The following SPOUT1 variants were observed in gnomAD, a reference collection of about 807,000 sequenced individuals.
SPOUT1 encodes the protein SPOUT domain containing methyltransferase 1, also known as 28S rRNA (uridine-N(3))-methyltransferase.
A neutral mutation model predicts 54.8 loss-of-function variants in SPOUT1; 40 were observed. That is an observed-to-expected ratio of 0.73 (90% CI 0.57 to 0.95). The LOEUF (loss-of-function observed/expected upper bound fraction) is 0.95, where lower values mean the gene tolerates loss of function less well. SPOUT1 is among the 40% of genes least tolerant of loss of function. The probability of loss-of-function intolerance (pLI) is 0.00; values close to 1 mark genes in which losing one functional copy is unlikely to be tolerated. For synonymous variants in SPOUT1, 193 were observed against 200.3 expected, an observed-to-expected ratio of 0.96 and a Z score of 0.31; for missense variants, 437 against 499.5, an observed-to-expected ratio of 0.87 and a Z score of 1.19.
At position 128,821,139 on chromosome 9, in the gene SPOUT1, T is replaced by G; in HGVS notation, c.*1626A>C. The G allele has an allele frequency of 6.7e-6, 3 of 444,770 alleles. No individual in the cohort carries two copies. The highest frequency in any genetic ancestry group is 4.4e-5 in the East Asian group (1 of 22,856). The allele number at this position is 444,770 out of a possible 1,614,324, so 27.6% of individuals were successfully genotyped here. Reference sequence around the variant, plus strand: ...CTCTTGGCATGCCCACCCAATCTTGTTCTGCCAATATGGAACCCCCCGCAG... The same window carrying G: ...CTCTTGGCATGCCCACCCAATCTTGGTCTGCCAATATGGAACCCCCCGCAG... On this transcript the variant is annotated 3_prime_UTR_variant, in exon 12 of 12. Coordinates refer to ENST00000361256, the MANE Select transcript of SPOUT1 (RefSeq NM_016390.4).
Position 128,821,921 on chromosome 9 carries a change from G to GT in SPOUT1, c.*843_*844insA. The stretch of plus-strand genomic sequence containing the variant: ...TGGAAGGGAGGAGACTCTGCTGAGG[G>GT]GGAGCCCCCGTCCGGTGTCCTGGCA... On this transcript the variant is annotated 3_prime_UTR_variant, in exon 12 of 12. Coordinates refer to ENST00000361256, the MANE Select transcript of SPOUT1 (RefSeq NM_016390.4). 1 of 215,970 alleles carries GT rather than the reference G, an allele frequency of 4.6e-6. No homozygotes were observed. 13.4% of individuals were successfully genotyped at this position (215,970 alleles called of 1,614,324 possible).
chr9:128,826,211 G>T lies in SPOUT1; in HGVS notation c.509-59C>A. 1 of 1,571,126 alleles carries T rather than the reference G, an allele frequency of 6.4e-7. No individual in the cohort carries two copies. The highest frequency in any genetic ancestry group is 8.6e-7 in the Non-Finnish European group (1 of 1,156,830). On this transcript the variant is annotated intron_variant, in intron 6 of 11. Transcript: ENST00000361256. This position sits in a 1 kb window ranked among gnomAD's most constrained non-coding sequence, Gnocchi z 5.5. ...TGCTAGGGCACACAGGGTGCAGTGG[G>T]GACCCTGGAGCGGAGTACCGGCTCT...
chr9:128,828,589 T>C (rs982085550), intron 3 of SPOUT1, 146 bp downstream of exon 3: 2 of 875,238 alleles, frequency 2.3e-6, no homozygotes, highest in Non-Finnish European at 3.5e-6. Flanking sequence ...GCTCCCTCCC[T>C]TCTCTGGGCC....
In SPOUT1 at chr9:128,826,534, C is replaced by A. The variant is rs6478853; in HGVS notation, c.458+6G>T. Reference sequence around the variant, plus strand: ...TCCCTCATGCTTAGGGGAGTGACCCCCTTACTGTGGACACTCCAGGTACTG... The same window carrying A: ...TCCCTCATGCTTAGGGGAGTGACCCACTTACTGTGGACACTCCAGGTACTG... On this transcript the variant is annotated splice_donor_region_variant and intron_variant, in intron 5 of 11. Transcript: ENST00000361256. The surrounding 1 kb of genome is among the most constrained non-coding windows in gnomAD (Gnocchi z 5.5). The A allele has an allele frequency of 3.7e-6, 6 of 1,611,338 alleles. 1 individual carries two copies. The highest frequency in any genetic ancestry group is 3.3e-5 in the South Asian group (3 of 90,916).
chr9:128,820,738 G>T lies in SPOUT1; in HGVS notation c.*2027C>A, dbSNP rs535536814. On this transcript the variant is annotated 3_prime_UTR_variant, in exon 12 of 12. Coordinates refer to ENST00000361256, the MANE Select transcript of SPOUT1 (RefSeq NM_016390.4). ...CTGCTAAGCCCTATCTCTCCTACCA[G>T]GTGCCCCACCTCAACCAGAATGCCT... is the stretch of plus-strand genomic sequence containing the variant. 6.2e-7 allele frequency: 1 copy of T among 1,607,762 alleles called. No homozygotes were observed. Among genetic ancestry groups the T allele is most frequent in the South Asian group, 1.1e-5 (1 of 89,852 alleles).
chr9:128,821,111 C>T lies in SPOUT1; in HGVS notation c.*1654G>A. 1.9e-6 allele frequency: 1 copy of T among 522,964 alleles called. No individual in the cohort carries two copies. Among genetic ancestry groups the T allele is most frequent in the South Asian group, 2.2e-5 (1 of 44,678 alleles). The allele number at this position is 522,964 out of a possible 1,614,324, so 32.4% of individuals were successfully genotyped here. ...ATCTGCCCCCGCTTCTCCCTGCTGT[C>T]ACCTCTTGGCATGCCCACCCAATCT... On this transcript the variant is annotated 3_prime_UTR_variant, in exon 12 of 12. Coordinates refer to ENST00000361256, the MANE Select transcript of SPOUT1 (RefSeq NM_016390.4).
rs147880613 is a variant in SPOUT1 at position 128,828,300 on chromosome 9, G to A, written c.208+435C>T. 1.5e-3 allele frequency among the ~76,000 whole-genome samples: 227 copies of A among 152,172 alleles called. 1 individual carries two copies. Among genetic ancestry groups the A allele is most frequent in the Non-Finnish European group, 2.6e-3 (175 of 67,992 alleles). On this transcript the variant is annotated intron_variant, in intron 3 of 11. Transcript: ENST00000361256. ...CACCTGAGGTCAGGAGTTCGAGACCGGCCTCCCCAACATGGTGCAACCACG... is the reference window on the plus strand; with the variant it reads ...CACCTGAGGTCAGGAGTTCGAGACCAGCCTCCCCAACATGGTGCAACCACG...
Position 128,829,758 on chromosome 9 carries a change from C to G in SPOUT1, c.23G>C (p.Arg8Pro). The G allele has an allele frequency of 1.2e-6, 2 of 1,601,872 alleles. No individual in the cohort carries two copies. The highest frequency in any genetic ancestry group is 1.3e-5 in the African/African-American group (1 of 74,904). Reference protein sequence around the residue: MAERGRKRPCGPGEHGQR... With the variant: MAERGRKPPCGPGEHGQR... ...GCCCGCACTTACCGGGCCGCACGGC[C>G]GCTTCCTGCCGCGCTCCGCCATGTT... The change falls in exon 1 of 12, where the codon CGG (arginine) becomes CCG (proline). Residue 8 changes from arginine to proline, a missense_variant. By Grantham distance (103) the Arg-to-Pro change is moderately radical. Transcript: ENST00000361256.
chr9:128,825,709 G>A (rs1224737421), intron 7 of SPOUT1, among the ~76,000 whole-genome samples: 1 of 152,212 alleles, frequency 6.6e-6, no homozygotes, highest in Admixed American at 6.5e-5. Context: ...GGATAAAGAG[G>A]CGGCAAATTA....
Position 128,823,946 on chromosome 9 carries a change from C to T in SPOUT1, c.915-52G>A, listed in dbSNP as rs571823918. ...GAGCGGCCACCGAGGCCCCACCCAG[C>T]ACAGCGCCCAGACCTCAGTCCCTCC... On this transcript the variant is annotated intron_variant, in intron 10 of 11. Transcript: ENST00000361256. 110 of 1,604,534 alleles carry T rather than the reference C, an allele frequency of 6.9e-5. No homozygotes were observed. In the East Asian group the frequency reaches 2.3e-3, roughly 33 times the overall value.
chr9:128,828,939 G>A, intron 2 of SPOUT1, 79 bp from the exon 3 acceptor site: 1 of 1,589,748 alleles, frequency 6.3e-7, no homozygotes, highest in Non-Finnish European at 8.6e-7. Context: ...AGAGCTGCTG[G>A]GTGAGCAGCC....
chr9:128,826,951 G>T lies in SPOUT1; in HGVS notation c.368+81C>A, dbSNP rs1006872981. 7.1e-6 allele frequency: 10 copies of T among 1,401,908 alleles called. No homozygotes were observed. The highest frequency in any genetic ancestry group is 9.9e-6 in the Non-Finnish European group (10 of 1,007,428). 86.8% of individuals were successfully genotyped at this position (1,401,908 alleles called of 1,614,324 possible). Reference sequence around the variant, plus strand: ...CGAGGGAAGAGCCAGGCATGTGGACGGGGCCATGGTGAAGCCTCGGCCCAT... The same window carrying T: ...CGAGGGAAGAGCCAGGCATGTGGACTGGGCCATGGTGAAGCCTCGGCCCAT... On this transcript the variant is annotated intron_variant, in intron 4 of 11. Transcript: ENST00000361256. This position sits in a 1 kb window ranked among gnomAD's most constrained non-coding sequence, Gnocchi z 5.5.
Position 128,822,158 on chromosome 9 carries a change from G to A in SPOUT1, c.*607C>T. The A allele has an allele frequency of 1.3e-6, 1 of 746,158 alleles. No homozygotes were observed. The highest frequency in any genetic ancestry group is 1.9e-5 in the South Asian group (1 of 53,580). The allele number at this position is 746,158 out of a possible 1,614,324, so 46.2% of individuals were successfully genotyped here. Reference sequence around the variant, plus strand: ...GAGGGAAAGAGTTAACCACCCTGGAGAGAGTTCCAGCCTCAAGGAGGAGCC... The same window carrying A: ...GAGGGAAAGAGTTAACCACCCTGGAAAGAGTTCCAGCCTCAAGGAGGAGCC... On this transcript the variant is annotated 3_prime_UTR_variant, in exon 12 of 12. Transcript: ENST00000361256.
chr9:128,821,419 T>TCCCGCCTTCCC lies in SPOUT1; in HGVS notation c.*1345_*1346insGGGAAGGCGGG, dbSNP rs1382928371. The TCCCGCCTTCCC allele has an allele frequency of 2.5e-5, 4 of 159,730 alleles. No individual in the cohort carries two copies. The highest frequency in any genetic ancestry group is 6.5e-5 in the Admixed American group (1 of 15,420). 9.9% of individuals were successfully genotyped at this position (159,730 alleles called of 1,614,324 possible). ...TGCAGGTCCCCAGTGCACCGAGCTCTCATGCCTTCCCCCTGCAGGTCCGCG... is the reference window on the plus strand; with the variant it reads ...TGCAGGTCCCCAGTGCACCGAGCTCTCCCGCCTTCCCCATGCCTTCCCCCTGCAGGTCCGCG... On this transcript the variant is annotated 3_prime_UTR_variant, in exon 12 of 12. Coordinates refer to ENST00000361256, the MANE Select transcript of SPOUT1 (RefSeq NM_016390.4).
intron 3 of SPOUT1, among the ~76,000 whole-genome samples, chr9:128,828,370 T>A (rs1170612914): frequency 1.3e-5 from 2 of 152,000 alleles, no homozygotes; most frequent in Non-Finnish European, 2.9e-5. Flanking sequence ...GTGGCACACT[T>A]CTGTAATCCC....
chr9:128,820,211 T>G lies in SPOUT1; in HGVS notation c.*2554A>C, dbSNP rs1009107197. ...CCCAGCAGGTCCTGGCACCAATGGA[T>G]GGAGACTGCCATGGGGCTCTGGGTG... is the stretch of plus-strand genomic sequence containing the variant. On this transcript the variant is annotated 3_prime_UTR_variant, in exon 12 of 12. Transcript: ENST00000361256. 5 of 154,138 alleles carry G rather than the reference T, an allele frequency of 3.2e-5. No individual in the cohort carries two copies. Among genetic ancestry groups the G allele is most frequent in the African/African-American group, 1.2e-4 (5 of 41,470 alleles). 9.5% of individuals were successfully genotyped at this position (154,138 alleles called of 1,614,324 possible). A position where few individuals can be genotyped will look rare whatever the true frequency, so the allele number is the denominator to read the frequency against.
intron 7 of SPOUT1, 186 bp downstream of exon 7, chr9:128,825,836 T>G (rs925447213): frequency 2.9e-6 from 2 of 682,124 alleles, no homozygotes; most frequent in Non-Finnish European, 5.0e-6. Context: ...GATTTGCTTT[T>G]TAAGCAACAG....
In SPOUT1 at chr9:128,826,316, G is replaced by C; in HGVS notation, c.508+68C>G. On this transcript the variant is annotated intron_variant, in intron 6 of 11. Coordinates refer to ENST00000361256, the MANE Select transcript of SPOUT1 (RefSeq NM_016390.4). The surrounding 1 kb of genome is among the most constrained non-coding windows in gnomAD (Gnocchi z 5.5). ...TTCCCACCTGGACAGCGCAGGGTAG[G>C]ACTGGGTGGTCTCAGTGTCTGTGGC... 1 of 1,582,452 alleles carries C rather than the reference G, an allele frequency of 6.3e-7. No homozygotes were observed. The highest frequency in any genetic ancestry group is 8.7e-7 in the Non-Finnish European group (1 of 1,151,352).
chr9:128,828,587 C>T (rs56145547), intron 3 of SPOUT1, 148 bp downstream of exon 3: 35,585 of 853,100 alleles, frequency 0.042, 966 homozygotes, highest in Non-Finnish European at 0.054. Flanking sequence ...TGGCTCCCTC[C>T]CTTCTCTGGG....
Sources: gnomAD v4.1 joint callset for allele counts (sites outside exome capture counted in the v4.1 genomes callset) on GRCh38, gnomAD v4.1.1 for gene constraint, Gnocchi (gnomAD v3.1) non-coding constraint, MANE v1.5 for transcripts, NCBI Gene and HGNC (gene_info 2026-07-23, HGNC 2026-07-21) for gene names.